GABPB1: variants seen among roughly 807,000 people sequenced by gnomAD.
GABPB1 encodes GA binding protein transcription factor subunit beta 1, also known as GA-binding protein subunit beta-1.
In GABPB1, 15 loss-of-function variants were observed where a neutral mutation model predicts 45.9. The observed-to-expected ratio is 0.33, with a 90% CI of 0.22 to 0.50. The LOEUF (loss-of-function observed/expected upper bound fraction) is 0.50, where lower values mean the gene tolerates loss of function less well. GABPB1 is among the 20% of genes least tolerant of loss of function. The pLI, the probability that GABPB1 is intolerant of heterozygous loss-of-function variation, is 0.98. For missense variants in GABPB1, 252 were observed against 457.5 expected, an observed-to-expected ratio of 0.55 and a Z score of 4.10; for synonymous variants, 143 against 154.4, an observed-to-expected ratio of 0.93 and a Z score of 0.55.
At chr15:50,330,583 TAC>T (rs149602851) in intron 1 of GABPB1, among the ~76,000 whole-genome samples, 2,242 of 152,196 alleles carry the variant, frequency 0.015, 62 homozygotes, top group African/African-American at 0.052. Context: ...CCTCATCCCA[TAC>T]ACACTTACCT....
intron 1 of GABPB1, among the ~76,000 whole-genome samples, chr15:50,346,587 GT>G (rs67151288): frequency 8.8e-4 from 105 of 119,878 alleles, no homozygotes; most frequent in Middle Eastern, 4.5e-3. Context: ...ACAACAGAAA[GT>G]TTTTTTTTTT....
chr15:50,334,031 A>C (rs2048033983), intron 1 of GABPB1, among the ~76,000 whole-genome samples: 1 of 42,590 alleles, frequency 2.3e-5, no homozygotes, highest in Admixed American at 3.4e-4. Flanking sequence ...ACTCGATCTC[A>C]AAAAAAAAAA....
Position 50,277,950 on chromosome 15 carries a change from T to C in GABPB1, c.*682A>G, listed in dbSNP as rs1284795868. On this transcript the variant is annotated 3_prime_UTR_variant, in exon 9 of 9. Coordinates refer to ENST00000380877, the MANE Select transcript of GABPB1 (RefSeq NM_016654.5). ...GTAAAGGGGTTTTGTTTTTGTTTTT[T>C]TCTGGTCACTTTCATCATTTCTGTG... 6.6e-6 allele frequency: 1 copy of C among 152,492 alleles called. No homozygotes were observed. The highest frequency in any genetic ancestry group is 2.4e-5 in the African/African-American group (1 of 41,460). 9.4% of individuals were successfully genotyped at this position (152,492 alleles called of 1,614,324 possible). A position where few individuals can be genotyped will look rare whatever the true frequency, so the allele number is the denominator to read the frequency against.
At chr15:50,290,391 G>A (rs182682709) in intron 6 of GABPB1, among the ~76,000 whole-genome samples, 81 of 152,216 alleles carry the variant, frequency 5.3e-4, no homozygotes, top group Middle Eastern at 6.8e-3. Context: ...AGGAGTTCGG[G>A]ACTAGCCTGG....
intron 1 of GABPB1, among the ~76,000 whole-genome samples, chr15:50,325,353 C>G (rs1166437978): frequency 2.0e-5 from 3 of 151,484 alleles, no homozygotes; most frequent in African/African-American, 4.8e-5. Context: ...GTTGAGACCC[C>G]ACCTCTGCCA....
At chr15:50,348,345 C>T (rs1018284963) in intron 1 of GABPB1, among the ~76,000 whole-genome samples, 71 of 152,192 alleles carry the variant, frequency 4.7e-4, no homozygotes, top group African/African-American at 1.7e-3. Flanking sequence ...ACCTCCGCCT[C>T]CCAGACTAAA....
chr15:50,334,810 C>T (rs1213303031), intron 1 of GABPB1, among the ~76,000 whole-genome samples: 1 of 152,182 alleles, frequency 6.6e-6, no homozygotes, highest in Middle Eastern at 3.2e-3. Context: ...CAATCATTTC[C>T]TGTTCCCTAT....
In GABPB1 at chr15:50,289,543, A is replaced by G. The variant is rs1272451515; in HGVS notation, c.823T>C (p.Ser275Pro). Reference sequence around the variant, plus strand: ...TGACCAATTCCACTGGTTGGAATAGAGTGCAAATTTCCAAGCTGAATTCCA... The same window carrying G: ...TGACCAATTCCACTGGTTGGAATAGGGTGCAAATTTCCAAGCTGAATTCCA... ...TDGIQLGNLH[S>P]IPTSGIGQPI... The change falls in exon 7 of 9, where the codon TCT becomes CCT. Residue 275 changes from serine (S) to proline (P), a missense_variant. This residue lies in a region of GABPB1 where 193 missense variants were observed against 259.9 expected (regional missense o/e 0.74). Coordinates refer to ENST00000380877, the MANE Select transcript of GABPB1 (RefSeq NM_016654.5). The G allele has an allele frequency of 2.5e-6, 4 of 1,613,376 alleles. No individual in the cohort carries two copies. In the African/African-American group the frequency reaches 4.0e-5, roughly 16 times the overall value.
At chr15:50,307,987 C>A (rs950649445) in intron 2 of GABPB1, among the ~76,000 whole-genome samples, 2 of 151,964 alleles carry the variant, frequency 1.3e-5, no homozygotes, top group Non-Finnish European at 2.9e-5. Flanking sequence ...CTATTTTTAT[C>A]TGTGACATAG....
chr15:50,354,241 C>A (rs753286060), intron 1 of GABPB1: 10 of 355,994 alleles, frequency 2.8e-5, no homozygotes, highest in African/African-American at 2.0e-4. Flanking sequence ...GCAGTGCACC[C>A]GCAGTTCTCG....
chr15:50,304,190 T>A, intron 2 of GABPB1, 57 bp from the exon 3 acceptor site: 1 of 1,403,290 alleles, frequency 7.1e-7, no homozygotes, highest in Non-Finnish European at 9.5e-7. Flanking sequence ...TACACTTCTG[T>A]TTATATAGTA....
intron 1 of GABPB1, among the ~76,000 whole-genome samples, chr15:50,333,255 CA>C (rs1336875495): frequency 1.3e-5 from 2 of 152,084 alleles, no homozygotes; most frequent in Non-Finnish European, 2.9e-5. Context: ...CACTTGAGCA[CA>C]GGAGTTTGAG....
chr15:50,348,340 C>T (rs1291898424), intron 1 of GABPB1, among the ~76,000 whole-genome samples: 2 of 152,050 alleles, frequency 1.3e-5, no homozygotes, highest in East Asian at 1.9e-4. Flanking sequence ...CTACAACCTC[C>T]GCCTCCCAGA....
At chr15:50,341,933 T>C (rs2048388988) in intron 1 of GABPB1, among the ~76,000 whole-genome samples, 1 of 152,202 alleles carries the variant, frequency 6.6e-6, no homozygotes, top group African/African-American at 2.4e-5. Context: ...CCAACGCGTC[T>C]CAGACCTTTA....
chr15:50,333,540 C>A (rs951382450), intron 1 of GABPB1, among the ~76,000 whole-genome samples: 3 of 152,084 alleles, frequency 2.0e-5, no homozygotes, highest in African/African-American at 7.2e-5. Flanking sequence ...ACAGAAACTT[C>A]CATTGAACAC....
At chr15:50,297,233 G>A (rs1324398726) in intron 6 of GABPB1, among the ~76,000 whole-genome samples, 1 of 145,836 alleles carries the variant, frequency 6.9e-6, no homozygotes, top group Non-Finnish European at 1.5e-5. Flanking sequence ...TTTTTTTTGA[G>A]ATGGAGTCTT....
intron 6 of GABPB1, among the ~76,000 whole-genome samples, chr15:50,294,648 G>A (rs1400865701): frequency 1.3e-5 from 2 of 152,144 alleles, no homozygotes; most frequent in Admixed American, 6.5e-5. Flanking sequence ...ACAACCTCAT[G>A]AGGCCCCATA....
intron 1 of GABPB1, among the ~76,000 whole-genome samples, chr15:50,315,675 T>G (rs2047300725): frequency 6.6e-6 from 1 of 152,242 alleles, no homozygotes. Context: ...ACACTCATCG[T>G]AGTTTTTGAC....
At chr15:50,281,361 GC>G (rs2045966273) in intron 8 of GABPB1, among the ~76,000 whole-genome samples, 1 of 149,690 alleles carries the variant, frequency 6.7e-6, no homozygotes, top group Non-Finnish European at 1.5e-5. Context: ...ATAGGCGCAC[GC>G]CACCATGCTC....
Sources: gnomAD v4.1 joint callset for allele counts (sites outside exome capture counted in the v4.1 genomes callset) on GRCh38, gnomAD v4.1.1 for gene constraint, gnomAD v4.1.1 regional missense constraint, MANE v1.5 for transcripts, NCBI Gene and HGNC (gene_info 2026-07-23, HGNC 2026-07-21) for gene names.